The following ARHGAP29 variants were observed in gnomAD, a reference collection of about 807,000 sequenced individuals.
The protein encoded by ARHGAP29 is rho GTPase-activating protein 29.
A neutral mutation model predicts 122.6 loss-of-function variants in ARHGAP29; 43 were observed. The ratio of observed to expected loss-of-function variants is 0.35; its 90% confidence interval spans 0.27 to 0.45. The LOEUF is 0.45. ARHGAP29 is among the 20% of genes least tolerant of loss of function. ARHGAP29 has a pLI of 1.00. For missense variants in ARHGAP29, 1,303 were observed against 1,477.2 expected (o/e 0.88, Z 1.93); for synonymous variants, 506 against 497.1 (o/e 1.02, Z -0.24).
chr1:94,253,618 C>T (rs995829951), intron 1 of ARHGAP29, among the ~76,000 whole-genome samples: 1 of 149,746 alleles, frequency 6.7e-6, no homozygotes, highest in Non-Finnish European at 1.5e-5. Context: ...GGAAGTTGTC[C>T]GCAGGCATCT....
chr1:94,283,425 G>T, the ARHGAP29 span, among the ~76,000 whole-genome samples: 6 of 152,014 alleles, frequency 3.9e-5, no homozygotes, highest in Non-Finnish European at 7.4e-5. Flanking sequence ...TTCAAATGAG[G>T]TATATAATAG....
intron 1 of ARHGAP29, among the ~76,000 whole-genome samples, chr1:94,248,785 C>G (rs982001839): frequency 6.6e-6 from 1 of 152,222 alleles, no homozygotes; most frequent in African/African-American, 2.4e-5. Flanking sequence ...TCACTGAAGC[C>G]TTGAACTCCT....
rs780534478 is a variant in ARHGAP29 at position 94,203,152 on chromosome 1, C to T, written c.821G>A (p.Ser274Asn). ...TGCAATTGTTTGTTGTAAAAGGTGACTGCTTTCTATATCATTAAGAAGAGC... is the reference window on the plus strand; with the variant it reads ...TGCAATTGTTTGTTGTAAAAGGTGATTGCTTTCTATATCATTAAGAAGAGC... ...TNALLNDIES[S>N]HLLQQTIAAL... The change falls in exon 9 of 23, where the codon AGT (serine) becomes AAT (asparagine). Residue 274 changes from serine to asparagine, a missense_variant. By Grantham distance (46) the Ser-to-Asn change is conservative. This residue lies in a region of ARHGAP29 where 592 missense variants were observed against 648.2 expected (regional missense o/e 0.91). Transcript: ENST00000260526. The T allele has an allele frequency of 1.2e-6, 2 of 1,613,440 alleles. No individual in the cohort carries two copies. The highest frequency in any genetic ancestry group is 8.5e-7 in the Non-Finnish European group (1 of 1,179,808).
intron 3 of ARHGAP29, among the ~76,000 whole-genome samples, chr1:94,211,287 C>CCA (rs1371295014): frequency 0.016 from 587 of 35,976 alleles, 14 homozygotes; most frequent in African/African-American, 0.062. Flanking sequence ...GCTCTGGCTC[C>CCA]AAAAAAAAAA....
rs577391408 is a variant in ARHGAP29, at chr1:94,169,875, A to G, written c.*3994T>C. ...GCTTGAAGAGACTCCCAAAAACCAA[A>G]TCGGGGAAAATTTCAGCATGAAAAT... On this transcript the variant is annotated 3_prime_UTR_variant, in exon 23 of 23. Transcript: ENST00000260526. Among the ~76,000 whole-genome samples the G allele has an allele frequency of 6.4e-4, 98 of 152,270 alleles. No homozygotes were observed. Among genetic ancestry groups the G allele is most frequent in the Admixed American group, 1.1e-3 (17 of 15,294 alleles).
intron 12 of ARHGAP29, among the ~76,000 whole-genome samples, chr1:94,196,238 C>T (rs1227167657): frequency 6.4e-5 from 9 of 140,944 alleles, no homozygotes; most frequent in African/African-American, 1.8e-4. Flanking sequence ...CTTTTAGTTT[C>T]GATTTTTCCG....
intron 12 of ARHGAP29, among the ~76,000 whole-genome samples, chr1:94,196,473 G>A (rs1487881736): frequency 6.6e-6 from 1 of 151,454 alleles, no homozygotes; most frequent in Non-Finnish European, 1.5e-5. Flanking sequence ...TTGTTAGCCA[G>A]GATGGTCTCG....
At chr1:94,196,783 T>G (rs970435192) in intron 12 of ARHGAP29, among the ~76,000 whole-genome samples, 4 of 152,126 alleles carry the variant, frequency 2.6e-5, no homozygotes, top group Non-Finnish European at 5.9e-5. Context: ...TTCTACATTA[T>G]CCACAGATCA....
intron 3 of ARHGAP29, among the ~76,000 whole-genome samples, chr1:94,215,313 A>C (rs1651895896): frequency 6.6e-6 from 1 of 151,676 alleles, no homozygotes; most frequent in African/African-American, 2.4e-5. Flanking sequence ...TCATCAAAAA[A>C]CAAAACAAAA....
chr1:94,222,921 G>A (rs1652391433), intron 2 of ARHGAP29, among the ~76,000 whole-genome samples: 1 of 149,484 alleles, frequency 6.7e-6, no homozygotes, highest in East Asian at 2.0e-4. Context: ...AATTTTATGT[G>A]CTGTTGAAAT....
chr1:94,219,264 T>C (rs1652136483), intron 3 of ARHGAP29, among the ~76,000 whole-genome samples: 1 of 10,928 alleles, frequency 9.2e-5, no homozygotes. Flanking sequence ...TTAAAATCCA[T>C]GTCACCTCCT....
At chr1:94,280,103 T>C in the ARHGAP29 span, among the ~76,000 whole-genome samples, 3 of 152,018 alleles carry the variant, frequency 2.0e-5, no homozygotes, top group African/African-American at 7.2e-5. Context: ...TAACCACTTA[T>C]AAGTGTACAA....
intron 1 of ARHGAP29, chr1:94,247,754 C>G (rs1335413419): frequency 1.7e-6 from 1 of 578,416 alleles, no homozygotes; most frequent in South Asian, 7.5e-5. Flanking sequence ...GCTACCGCCA[C>G]GGCTGCGCCG....
At chr1:94,308,680 G>A in the ARHGAP29 span, among the ~76,000 whole-genome samples, 2 of 152,098 alleles carry the variant, frequency 1.3e-5, no homozygotes, top group African/African-American at 4.8e-5. Context: ...ACTGCGCCAG[G>A]ATCCCATTTT....
At chr1:94,206,525 T>C (rs928867441) in intron 5 of ARHGAP29, among the ~76,000 whole-genome samples, 1 of 152,186 alleles carries the variant, frequency 6.6e-6, no homozygotes, top group Non-Finnish European at 1.5e-5. Flanking sequence ...ATAAGAACAC[T>C]ACTTTCAAAA....
At chr1:94,251,465 G>A (rs572498629) in intron 1 of ARHGAP29, among the ~76,000 whole-genome samples, 117 of 152,234 alleles carry the variant, frequency 7.7e-4, no homozygotes, top group African/African-American at 2.6e-3. Flanking sequence ...TAAATGAAAA[G>A]CTGAGACACA....
chr1:94,237,569 A>C lies in ARHGAP29; in HGVS notation c.-187T>G. On this transcript the variant is annotated 5_prime_UTR_variant, in exon 1 of 23. Transcript: ENST00000260526. ...CAGCCGCAGCCGCAGCCACAGCCAC[A>C]GGCACCACCACCACTGCAGCCGCCA... 1.0e-6 allele frequency: 1 copy of C among 991,556 alleles called. No individual in the cohort carries two copies. The highest frequency in any genetic ancestry group is 1.2e-6 in the Non-Finnish European group (1 of 834,668). The allele number at this position is 991,556 out of a possible 1,614,324, so 61.4% of individuals were successfully genotyped here. A position where few individuals can be genotyped will look rare whatever the true frequency, so the allele number is the denominator to read the frequency against.
chr1:94,292,684 T>C, the ARHGAP29 span, among the ~76,000 whole-genome samples: 1 of 152,236 alleles, frequency 6.6e-6, no homozygotes, highest in Admixed American at 6.5e-5. Flanking sequence ...CCTTTCTGTT[T>C]GTTAGTTTTC....
intron 1 of ARHGAP29, among the ~76,000 whole-genome samples, chr1:94,268,027 T>A (rs190306596): frequency 1.2e-3 from 182 of 152,314 alleles, no homozygotes; most frequent in African/African-American, 4.1e-3. Context: ...TCTTCATTAT[T>A]TTCACATGGC....
Sources: allele counts gnomAD v4.1 joint callset (sites outside exome capture counted in the v4.1 genomes callset), GRCh38; gene constraint gnomAD v4.1.1; regional missense constraint gnomAD v4.1.1; transcripts MANE v1.5; gene names NCBI Gene and HGNC (gene_info 2026-07-23, HGNC 2026-07-21).